SYS1: variants seen among roughly 807,000 people sequenced by gnomAD.
SYS1 encodes protein SYS1 homolog.
A neutral mutation model predicts 17.8 loss-of-function variants in SYS1; 8 were observed. The ratio of observed to expected loss-of-function variants is 0.45; its 90% confidence interval spans 0.26 to 0.81. The LOEUF (loss-of-function observed/expected upper bound fraction) is 0.81. Among genes scored for constraint, SYS1 ranks in the 40% least tolerant of loss-of-function variants. The probability of loss-of-function intolerance (pLI) is 0.16; values close to 1 mark genes in which losing one functional copy is unlikely to be tolerated. For synonymous variants in SYS1, 95 were observed against 90.9 expected (o/e 1.05, Z -0.26); for missense variants, 161 against 203.9 (o/e 0.79, Z 1.28).
chr20:45,367,595 GGATCCA>G lies in SYS1; in HGVS notation c.*483_*488del. On this transcript the variant is annotated 3_prime_UTR_variant, in exon 4 of 4. Transcript: ENST00000243918. Reference sequence around the variant, plus strand: ...TCTGTTGGAGAAACGCTTGGTTTCCGGATCCAGAGCCACAGAAAGAAATGTAGGTGT... The same window carrying G: ...TCTGTTGGAGAAACGCTTGGTTTCCGGAGCCACAGAAAGAAATGTAGGTGT... 1.0e-6 allele frequency: 1 copy of G among 990,624 alleles called. No individual in the cohort carries two copies. The highest frequency in any genetic ancestry group is 1.2e-6 in the Non-Finnish European group (1 of 836,050). The allele number at this position is 990,624 out of a possible 1,614,324, so 61.4% of individuals were successfully genotyped here.
In SYS1 at chr20:45,363,318, G is replaced by A. The variant is rs1988283438; in HGVS notation, c.-4+3G>A. 1 of 1,389,446 alleles carries A rather than the reference G, an allele frequency of 7.2e-7. No homozygotes were observed. The highest frequency in any genetic ancestry group is 1.5e-5 in the African/African-American group (1 of 68,488). The allele number at this position is 1,389,446 out of a possible 1,614,324, so 86.1% of individuals were successfully genotyped here. A position where few individuals can be genotyped will look rare whatever the true frequency, so the allele number is the denominator to read the frequency against. The stretch of plus-strand genomic sequence containing the variant: ...TTCGATCGTCGAGTCTGTCACTGGT[G>A]AGTAGACCCCAGAGGAGCTCGTGTA... On this transcript the variant is annotated splice_donor_region_variant and intron_variant, in intron 1 of 3. Coordinates refer to ENST00000243918, the MANE Select transcript of SYS1 (RefSeq NM_033542.4).
At chr20:45,370,866 A>C (rs1988546985), downstream of SYS1, among the ~76,000 whole-genome samples, 1 of 152,156 alleles carries the variant, frequency 6.6e-6, no homozygotes. Flanking sequence ...GGAGAGATTA[A>C]AAACCACTGT....
intron 2 of SYS1, among the ~76,000 whole-genome samples, chr20:45,364,465 CTTTTTTTT>C (rs386393831): frequency 2.5e-5 from 2 of 80,130 alleles, no homozygotes; most frequent in Non-Finnish European, 4.4e-5. Flanking sequence ...GAGCACAGTT[CTTTTTTTT>C]TTTTTTTTTT....
chr20:45,368,554 G>C lies in SYS1; in HGVS notation c.*1439G>C. ...CTCTGAGAAGCTCATCTGACCTCCT[G>C]ACTCTCAGCCCTACAGAGTAGGGAG... On this transcript the variant is annotated 3_prime_UTR_variant, in exon 4 of 4. Coordinates refer to ENST00000243918, the MANE Select transcript of SYS1 (RefSeq NM_033542.4). The C allele has an allele frequency of 1.0e-6, 1 of 985,398 alleles. No homozygotes were observed. The highest frequency in any genetic ancestry group is 1.1e-4 in the East Asian group (1 of 8,808). 61.0% of individuals were successfully genotyped at this position (985,398 alleles called of 1,614,324 possible).
upstream of SYS1, among the ~76,000 whole-genome samples, chr20:45,362,347 T>TTTTATTTATTTATTTA (rs56348135): frequency 2.7e-5 from 4 of 149,304 alleles, no homozygotes; most frequent in South Asian, 8.7e-4. Context: ...AACACTTGAA[T>TTTTATTTATTTATTTA]TTTATTTATT....
At chr20:45,363,348 C>T in intron 1 of SYS1, 33 bp downstream of exon 1, 1 of 1,425,122 alleles carries the variant, frequency 7.0e-7, no homozygotes, top group Non-Finnish European at 9.2e-7. Context: ...CGTGTACGGG[C>T]GGGGGCCGCG....
rs1345414992 is a variant in SYS1, at chr20:45,367,802, A to G, written c.*687A>G. Reference sequence around the variant, plus strand: ...CTGCCAGCTCTCAACATAGCAGGCCATAGGACCCAGAGAAGAATCCCAGCG... The same window carrying G: ...CTGCCAGCTCTCAACATAGCAGGCCGTAGGACCCAGAGAAGAATCCCAGCG... On this transcript the variant is annotated 3_prime_UTR_variant, in exon 4 of 4. Coordinates refer to ENST00000243918, the MANE Select transcript of SYS1 (RefSeq NM_033542.4). 2.0e-6 allele frequency: 2 copies of G among 985,950 alleles called. No homozygotes were observed. The highest frequency in any genetic ancestry group is 2.4e-6 in the Non-Finnish European group (2 of 830,118). The allele number at this position is 985,950 out of a possible 1,614,324, so 61.1% of individuals were successfully genotyped here.
intron 2 of SYS1, 121 bp downstream of exon 2, chr20:45,363,814 G>A: frequency 2.7e-6 from 3 of 1,108,306 alleles, no homozygotes; most frequent in Non-Finnish European, 3.8e-6. Context: ...CTGGGAAAGG[G>A]ATTTCACCTT....
chr20:45,363,508 GC>G lies in SYS1; in HGVS notation c.-3-18del, dbSNP rs1193751295. 2.5e-6 allele frequency: 4 copies of G among 1,575,794 alleles called. No homozygotes were observed. In the East Asian group the frequency reaches 9.3e-5, roughly 37 times the overall value. ...CCATGGAGACAGGCCGCTGGCTGAG[GC>G]CCGGCTCGTGTCCCTGCAGGGCATG... On this transcript the variant is annotated intron_variant, in intron 1 of 3. Coordinates refer to ENST00000243918, the MANE Select transcript of SYS1 (RefSeq NM_033542.4).
chr20:45,374,794 T>A, exon 4 of SYS1: 2 of 549,446 alleles, frequency 3.6e-6, no homozygotes, highest in Non-Finnish European at 6.4e-6. Context: ...ATGGCTCACT[T>A]CAGTGCCCCT....
In SYS1 at chr20:45,368,810, GACTA is replaced by G. The variant is rs2145357724; in HGVS notation, c.*1699_*1702del. The stretch of plus-strand genomic sequence containing the variant: ...TAGACAACACAAACTGCAGGCATGT[GACTA>G]ACTTTGAAAGAACACCCATCATGTG... On this transcript the variant is annotated 3_prime_UTR_variant, in exon 4 of 4. Transcript: ENST00000243918. The G allele has an allele frequency of 1.0e-6, 1 of 985,418 alleles. No homozygotes were observed. Among genetic ancestry groups the G allele is most frequent in the African/African-American group, 1.7e-5 (1 of 57,350 alleles). 61.0% of individuals were successfully genotyped at this position (985,418 alleles called of 1,614,324 possible).
At chr20:45,373,627 C>G, downstream of SYS1, 1 of 457,806 alleles carries the variant, frequency 2.2e-6, no homozygotes. Context: ...TGCGAGCTCG[C>G]GGGGCGATTG....
At chr20:45,374,816 TCTC>T (rs1389753028) in exon 4 of SYS1, 1 of 589,818 alleles carries the variant, frequency 1.7e-6, no homozygotes, top group Admixed American at 3.2e-5. Context: ...CTTCCACACA[TCTC>T]CTAGCTGTAT....
At chr20:45,366,060 GT>G (rs1988402790) in intron 3 of SYS1, among the ~76,000 whole-genome samples, 1 of 152,180 alleles carries the variant, frequency 6.6e-6, no homozygotes, top group Admixed American at 6.5e-5. Context: ...GTCCATGAGG[GT>G]TTGGACTCAG....
downstream of SYS1, chr20:45,373,619 C>G: frequency 2.2e-6 from 1 of 447,526 alleles, no homozygotes. Flanking sequence ...TTTCCTCTTG[C>G]GAGCTCGCGG....
upstream of SYS1, chr20:45,362,133 G>A (rs990929151): frequency 1.1e-5 from 7 of 620,068 alleles, no homozygotes; most frequent in African/African-American, 1.2e-4. Context: ...AACAGTCATG[G>A]CAGCAGAGAG....
At chr20:45,366,464 T>A (rs1459050990) in intron 3 of SYS1, among the ~76,000 whole-genome samples, 1 of 152,200 alleles carries the variant, frequency 6.6e-6, no homozygotes, top group East Asian at 1.9e-4. Context: ...TTTTTTCACT[T>A]AGTTGAAAAT....
chr20:45,363,762 T>C (rs140749246), intron 2 of SYS1, 69 bp downstream of exon 2: 2 of 1,481,088 alleles, frequency 1.4e-6, no homozygotes, highest in Non-Finnish European at 1.8e-6. Context: ...CCATCACTAC[T>C]GTGCTGTAGA....
chr20:45,363,523 C>T lies in SYS1; in HGVS notation c.-3-6C>T. ...GCTGGCTGAGGCCCGGCTCGTGTCC[C>T]TGCAGGGCATGGCGGGTCAGTTCCG... On this transcript the variant is annotated splice_region_variant and splice_polypyrimidine_tract_variant and intron_variant, in intron 1 of 3. Transcript: ENST00000243918. 3.1e-6 allele frequency: 5 copies of T among 1,590,678 alleles called. No homozygotes were observed. The highest frequency in any genetic ancestry group is 4.3e-6 in the Non-Finnish European group (5 of 1,170,276).
Sources: gnomAD v4.1 joint callset for allele counts (sites outside exome capture counted in the v4.1 genomes callset) on GRCh38, gnomAD v4.1.1 for gene constraint, MANE v1.5 for transcripts, NCBI Gene and HGNC (gene_info 2026-07-23, HGNC 2026-07-21) for gene names.